The following MGMT variants were observed in gnomAD, a reference collection of about 807,000 sequenced individuals.
MGMT encodes the protein methylated-DNA--protein-cysteine methyltransferase.
A neutral mutation model predicts 15.9 loss-of-function variants in MGMT; 14 were observed. That is an observed-to-expected ratio of 0.88 (90% confidence interval 0.58 to 1.37). The LOEUF is 1.37. Ranked by LOEUF, MGMT falls within the 40% of genes most tolerant of loss-of-function variation. MGMT has a pLI of 0.00. For synonymous variants in MGMT, 130 were observed against 118.2 expected (o/e 1.10, Z -0.65); for missense variants, 282 against 268.1 (o/e 1.05, Z -0.36).
chr10:129,673,454 C>T (rs752639772), intron 2 of MGMT, among the ~76,000 whole-genome samples: 5 of 152,196 alleles, frequency 3.3e-5, no homozygotes, highest in Non-Finnish European at 5.9e-5. Flanking sequence ...TTATTTTAGT[C>T]TCTGTGTCTT....
intron 2 of MGMT, among the ~76,000 whole-genome samples, chr10:129,540,607 GA>G (rs1278882287): frequency 6.6e-6 from 1 of 152,186 alleles, no homozygotes; most frequent in Admixed American, 6.5e-5. Context: ...AAATTTGGTA[GA>G]ATAAATTTTT....
chr10:129,499,497 C>T (rs567964265), intron 1 of MGMT, among the ~76,000 whole-genome samples: 6 of 152,320 alleles, frequency 3.9e-5, no homozygotes, highest in African/African-American at 1.4e-4. Context: ...ATAACAATTA[C>T]CTTTAATAGC....
intron 3 of MGMT, among the ~76,000 whole-genome samples, chr10:129,739,572 C>G (rs1304170529): frequency 6.6e-6 from 1 of 152,134 alleles, no homozygotes; most frequent in Non-Finnish European, 1.5e-5. Flanking sequence ...TCAGCCAAAT[C>G]AGAACCAGGT....
At chr10:129,731,119 A>G (rs1012323529) in intron 3 of MGMT, among the ~76,000 whole-genome samples, 2 of 152,154 alleles carry the variant, frequency 1.3e-5, no homozygotes, top group African/African-American at 4.8e-5. Context: ...TCTGGCCTCC[A>G]GGTGAGCTCT....
chr10:129,590,626 C>A (rs953137983), intron 2 of MGMT, among the ~76,000 whole-genome samples: 1 of 152,174 alleles, frequency 6.6e-6, no homozygotes, highest in African/African-American at 2.4e-5. Context: ...AAAAGTATGT[C>A]ATTTGCCATT....
chr10:129,605,446 C>G (rs753319536), intron 2 of MGMT, among the ~76,000 whole-genome samples: 3 of 152,050 alleles, frequency 2.0e-5, no homozygotes, highest in Admixed American at 6.5e-5. Flanking sequence ...TTCTGACTTC[C>G]GTGTGCTCCC....
chr10:129,651,148 G>A (rs911781133), intron 2 of MGMT, among the ~76,000 whole-genome samples: 6 of 152,128 alleles, frequency 3.9e-5, no homozygotes, highest in South Asian at 2.1e-4. Context: ...GCATCTCCTC[G>A]GCATGCTCCC....
intron 2 of MGMT, among the ~76,000 whole-genome samples, chr10:129,577,062 C>T (rs1264702994): frequency 2.0e-5 from 3 of 152,106 alleles, no homozygotes; most frequent in South Asian, 2.1e-4. Context: ...AAGAACATTC[C>T]ATGCTCATGG....
chr10:129,469,147 G>A (rs1431408046), intron 1 of MGMT, among the ~76,000 whole-genome samples: 1 of 152,086 alleles, frequency 6.6e-6, no homozygotes, highest in Admixed American at 6.5e-5. Flanking sequence ...GGGAAGAAGG[G>A]GGTAGGAAGG....
At chr10:129,674,326 T>C (rs964090470) in intron 2 of MGMT, among the ~76,000 whole-genome samples, 2 of 151,876 alleles carry the variant, frequency 1.3e-5, no homozygotes, top group Non-Finnish European at 1.5e-5. Context: ...GGAAGCTGCA[T>C]TGTTTGGATG....
chr10:129,550,847 T>C (rs893212612), intron 2 of MGMT, among the ~76,000 whole-genome samples: 1 of 152,192 alleles, frequency 6.6e-6, no homozygotes, highest in Non-Finnish European at 1.5e-5. Flanking sequence ...ACCCTACTCC[T>C]TTCCGTCTTG....
At chr10:129,663,682 G>A (rs114063427) in intron 2 of MGMT, among the ~76,000 whole-genome samples, 1 of 152,258 alleles carries the variant, frequency 6.6e-6, no homozygotes, top group African/African-American at 2.4e-5. Context: ...AAAAGCACAA[G>A]AGACTAATTT....
chr10:129,687,696 CCCT>C (rs1564761478), intron 2 of MGMT, among the ~76,000 whole-genome samples: 1 of 133,542 alleles, frequency 7.5e-6, no homozygotes, highest in Non-Finnish European at 1.6e-5. Context: ...ACATGTGTAG[CCCT>C]TTTTTTTTTT....
At position 129,767,229 on chromosome 10, in the gene MGMT, C is replaced by T; in HGVS notation, c.*232C>T. 1 of 438,358 alleles carries T rather than the reference C, an allele frequency of 2.3e-6. No homozygotes were observed. The highest frequency in any genetic ancestry group is 4.1e-6 in the Non-Finnish European group (1 of 244,542). The allele number at this position is 438,358 out of a possible 1,614,324, so 27.2% of individuals were successfully genotyped here. A position where few individuals can be genotyped will look rare whatever the true frequency, so the allele number is the denominator to read the frequency against. Reference sequence around the variant, plus strand: ...GCTCTATTTTTCATGTCCATTAAAACAGGCCAAGTGAGTGTGGAAGGCCTG... The same window carrying T: ...GCTCTATTTTTCATGTCCATTAAAATAGGCCAAGTGAGTGTGGAAGGCCTG... On this transcript the variant is annotated 3_prime_UTR_variant, in exon 5 of 5. Coordinates refer to ENST00000651593, the MANE Select transcript of MGMT (RefSeq NM_002412.5).
chr10:129,713,689 G>A (rs761637487), intron 3 of MGMT, among the ~76,000 whole-genome samples: 68 of 152,210 alleles, frequency 4.5e-4, no homozygotes, highest in Admixed American at 1.2e-3. Context: ...AGTGCAGGAT[G>A]TGTGTGAAAC....
intron 3 of MGMT, among the ~76,000 whole-genome samples, chr10:129,737,540 T>G (rs1423282694): frequency 3.3e-5 from 5 of 152,234 alleles, no homozygotes; most frequent in East Asian, 3.9e-4. Context: ...GTCTGAAGCC[T>G]TCTTCTCTCA....
chr10:129,666,712 A>G (rs1412444256), intron 2 of MGMT, among the ~76,000 whole-genome samples: 2 of 152,092 alleles, frequency 1.3e-5, no homozygotes, highest in Non-Finnish European at 2.9e-5. Context: ...TTCCTTCCTA[A>G]TATTTTTATC....
Position 129,659,358 on chromosome 10 carries a change from G to GAAAA in MGMT, c.126-48537_126-48536insAAAA, listed in dbSNP as rs10644344. 0.11 allele frequency among the ~76,000 whole-genome samples: 16,170 copies of GAAAA among 146,832 alleles called. 2,134 individuals are homozygous for GAAAA. Among genetic ancestry groups the GAAAA allele is most frequent in the African/African-American group, 0.31 (11,780 of 37,700 alleles). On this transcript the variant is annotated intron_variant, in intron 2 of 4. Transcript: ENST00000651593. This position sits in a 1 kb window ranked among gnomAD's most constrained non-coding sequence, Gnocchi z 4.1. ...GGTGGCAGAGCGAGACTCCCTGTGT[G>GAAAA]GAAAAAAAAAAAAAAGATACTCAGA...
chr10:129,628,269 A>G (rs548149921), intron 2 of MGMT, among the ~76,000 whole-genome samples: 16 of 152,352 alleles, frequency 1.1e-4, no homozygotes, highest in African/African-American at 2.2e-4. Flanking sequence ...CTAAATGTAA[A>G]TTATTTTTCC....
Sources: allele counts gnomAD v4.1 joint callset (sites outside exome capture counted in the v4.1 genomes callset), GRCh38; gene constraint gnomAD v4.1.1; non-coding constraint Gnocchi (gnomAD v3.1); transcripts MANE v1.5; gene names NCBI Gene and HGNC (gene_info 2026-07-23, HGNC 2026-07-21).